BANK1: variants seen among roughly 807,000 people sequenced by gnomAD.
BANK1 encodes B cell scaffold protein with ankyrin repeats 1.
Under a neutral mutation model 94.5 loss-of-function variants are expected in BANK1, and 95 were observed. The ratio of observed to expected loss-of-function variants is 1.00; its 90% confidence interval spans 0.85 to 1.19. The LOEUF is 1.19. Among genes scored for constraint, BANK1 ranks in the 50% most tolerant of loss-of-function variants. BANK1 has a pLI of 0.00. For synonymous variants in BANK1, 334 were observed against 308.4 expected (o/e 1.08, Z -0.87); for missense variants, 987 against 932.2 (o/e 1.06, Z -0.77).
At chr4:101,950,794 G>A (rs1724122674) in intron 7 of BANK1, among the ~76,000 whole-genome samples, 1 of 152,114 alleles carries the variant, frequency 6.6e-6, no homozygotes, top group Admixed American at 6.6e-5. Flanking sequence ...GAGTCATGTT[G>A]ATAATATGTA....
intron 7 of BANK1, chr4:101,972,565 C>T (rs1724992427): frequency 6.6e-6 from 1 of 152,090 alleles, no homozygotes; most frequent in Non-Finnish European, 1.5e-5. Flanking sequence ...GACAACCTAG[C>T]TTCACAATCC....
At chr4:101,978,151 A>G (rs991084450) in intron 7 of BANK1, among the ~76,000 whole-genome samples, 1 of 151,628 alleles carries the variant, frequency 6.6e-6, no homozygotes, top group Non-Finnish European at 1.5e-5. Flanking sequence ...AGGTACTTAA[A>G]AAAAAAAAGA....
chr4:101,839,729 A>G (rs1456526113), intron 2 of BANK1, among the ~76,000 whole-genome samples: 1 of 151,996 alleles, frequency 6.6e-6, no homozygotes, highest in Non-Finnish European at 1.5e-5. Context: ...GACCAGCACC[A>G]TATACAATAA....
intron 10 of BANK1, among the ~76,000 whole-genome samples, chr4:102,041,561 CTGCAAG>C (rs919270777): frequency 1.3e-5 from 2 of 152,034 alleles, no homozygotes; most frequent in Admixed American, 1.3e-4. Context: ...ATGGGTGCAG[CTGCAAG>C]TGAATTAAAA....
At chr4:101,850,883 A>C (rs1208630139) in intron 2 of BANK1, among the ~76,000 whole-genome samples, 1 of 152,076 alleles carries the variant, frequency 6.6e-6, no homozygotes, top group Non-Finnish European at 1.5e-5. Flanking sequence ...GTGTATTCTG[A>C]CTGCTTCACT....
chr4:102,060,482 G>C, intron 12 of BANK1, 93 bp downstream of exon 12: 1 of 1,358,598 alleles, frequency 7.4e-7, no homozygotes, highest in Non-Finnish European at 9.9e-7. Flanking sequence ...ACAGGTAACT[G>C]TTCTTTCATT....
intron 1 of BANK1, among the ~76,000 whole-genome samples, chr4:101,798,230 G>T (rs1327778281): frequency 6.6e-6 from 1 of 152,158 alleles, no homozygotes; most frequent in Non-Finnish European, 1.5e-5. Flanking sequence ...AGAAGGTAAG[G>T]TGATGGAGGC....
rs1332328819 is a variant in BANK1 at position 101,930,618 on chromosome 4, A to G, written c.1206+12429A>G. Among the ~76,000 whole-genome samples, 6 of 151,722 alleles carry G rather than the reference A, an allele frequency of 4.0e-5. No individual in the cohort carries two copies. In the East Asian group the frequency reaches 1.2e-3, roughly 30 times the overall value. On this transcript the variant is annotated intron_variant, in intron 7 of 16. Transcript: ENST00000322953. ...TAAAATTAGCAAAAAATTTTATAGT[A>G]CTTGCTATGTACTAGTATCTGTTTT...
intron 6 of BANK1, among the ~76,000 whole-genome samples, chr4:101,914,526 T>G (rs1722767659): frequency 6.6e-6 from 1 of 152,168 alleles, no homozygotes; most frequent in Non-Finnish European, 1.5e-5. Context: ...TTCTCATTAT[T>G]TGCAGTAGTT....
At chr4:101,944,590 GA>G (rs925490948) in intron 7 of BANK1, among the ~76,000 whole-genome samples, 23 of 150,706 alleles carry the variant, frequency 1.5e-4, no homozygotes, top group Non-Finnish European at 2.5e-4. Flanking sequence ...TCTAGAGAAG[GA>G]AAAAAAAATC....
At chr4:102,032,999 A>G (rs531365439) in intron 10 of BANK1, among the ~76,000 whole-genome samples, 1 of 152,248 alleles carries the variant, frequency 6.6e-6, no homozygotes, top group Non-Finnish European at 1.5e-5. Flanking sequence ...CAGCTTTTTC[A>G]TTGGATGGCC....
At chr4:101,868,880 G>T (rs34208976) in intron 4 of BANK1, among the ~76,000 whole-genome samples, 39,591 of 151,556 alleles carry the variant, frequency 0.26, 5,916 homozygotes, top group Non-Finnish European at 0.33. Flanking sequence ...TTTAATAACT[G>T]CCATTTAACA....
chr4:101,960,587 A>G (rs1196019085), intron 7 of BANK1, among the ~76,000 whole-genome samples: 1 of 152,132 alleles, frequency 6.6e-6, no homozygotes, highest in Non-Finnish European at 1.5e-5. Flanking sequence ...GCGGGCAAGC[A>G]GAAGGAAAGG....
At chr4:101,815,669 A>T (rs1185320805) in intron 1 of BANK1, among the ~76,000 whole-genome samples, 1 of 152,140 alleles carries the variant, frequency 6.6e-6, no homozygotes, top group Non-Finnish European at 1.5e-5. Context: ...TTAAAAATTA[A>T]TAGGTTTTAA....
chr4:102,048,273 A>G (rs564481571), intron 11 of BANK1, among the ~76,000 whole-genome samples: 2 of 152,270 alleles, frequency 1.3e-5, no homozygotes, highest in South Asian at 2.1e-4. Flanking sequence ...ATGTTTCTTT[A>G]AAAACCTCCC....
intron 9 of BANK1, among the ~76,000 whole-genome samples, chr4:102,026,195 C>G (rs2148948782): frequency 6.6e-6 from 1 of 152,280 alleles, no homozygotes; most frequent in East Asian, 1.9e-4. Context: ...TGAAGAGGAG[C>G]TTCCACATTA....
chr4:101,958,655 C>T (rs377524774), intron 7 of BANK1, among the ~76,000 whole-genome samples: 1 of 152,100 alleles, frequency 6.6e-6, no homozygotes, highest in Non-Finnish European at 1.5e-5. Context: ...GCCACCTTGC[C>T]GCAAAATGAA....
chr4:101,922,138 A>T (rs1560634374), intron 7 of BANK1, among the ~76,000 whole-genome samples: 2 of 151,684 alleles, frequency 1.3e-5, no homozygotes, highest in Non-Finnish European at 2.9e-5. Context: ...TGGGTTTAAA[A>T]TACAGGTATG....
intron 1 of BANK1, among the ~76,000 whole-genome samples, chr4:101,817,636 C>T (rs888650189): frequency 2.0e-5 from 3 of 152,092 alleles, no homozygotes; most frequent in African/African-American, 7.2e-5. Context: ...TCATGGCACA[C>T]GTTTACCTAT....
Sources: gnomAD v4.1 joint callset for allele counts (sites outside exome capture counted in the v4.1 genomes callset) on GRCh38, gnomAD v4.1.1 for gene constraint, MANE v1.5 for transcripts, NCBI Gene and HGNC (gene_info 2026-07-23, HGNC 2026-07-21) for gene names.